NEBL: variants seen among roughly 807,000 people sequenced by gnomAD.
NEBL encodes the protein nebulette, also known as LIM and SH3 protein 2.
In NEBL, 122 loss-of-function variants were observed where a neutral mutation model predicts 140.2. That is an observed-to-expected ratio of 0.87 (90% CI 0.75 to 1.01). The LOEUF (loss-of-function observed/expected upper bound fraction) is 1.01, where lower values mean the gene tolerates loss of function less well. Ranked by LOEUF, NEBL falls within the 50% of genes least tolerant of loss-of-function variation. NEBL has a pLI of 0.00. For synonymous variants in NEBL, 436 were observed against 398.9 expected (o/e 1.09, Z -1.11); for missense variants, 1,365 against 1,231.3 (o/e 1.11, Z -1.62).
In NEBL at chr10:20,897,257, T is replaced by A; in HGVS notation, c.-52A>T. 6.5e-7 allele frequency: 1 copy of A among 1,530,784 alleles called. No homozygotes were observed. The highest frequency in any genetic ancestry group is 8.7e-7 in the Non-Finnish European group (1 of 1,143,846). 94.8% of individuals were successfully genotyped at this position (1,530,784 alleles called of 1,614,324 possible). On this transcript the variant is annotated 5_prime_UTR_variant, in exon 1 of 28. It introduces an in-frame stop codon into an upstream open reading frame of the 5' UTR. Transcript: ENST00000377122. Reference sequence around the variant, plus strand: ...TTAAAATTTACTCATGTGGCGTCCTTTTCCATACCACAGTGCCCTTGAGAT... The same window carrying A: ...TTAAAATTTACTCATGTGGCGTCCTATTCCATACCACAGTGCCCTTGAGAT...
chr10:21,049,100 CTT>C (rs147889547), intron 2 of NEBL, among the ~76,000 whole-genome samples: 7,382 of 152,278 alleles, frequency 0.048, 584 homozygotes, highest in African/African-American at 0.17. Context: ...GCCCTCAACT[CTT>C]TAAATGAGAC....
Position 20,946,836 on chromosome 10 carries a change from G to A in NEBL, c.357+14836C>T, listed in dbSNP as rs190969753. 4.7e-3 allele frequency among the ~76,000 whole-genome samples: 718 copies of A among 152,256 alleles called. 4 individuals are homozygous for A. Among genetic ancestry groups the A allele is most frequent in the African/African-American group, 0.017 (694 of 41,536 alleles). ...CAGGGATTCTAGATGTGGAAATCCTGGCAGCATTTAACAAAGGATAACATT... is the reference window on the plus strand; with the variant it reads ...CAGGGATTCTAGATGTGGAAATCCTAGCAGCATTTAACAAAGGATAACATT... On this transcript the variant is annotated intron_variant, in intron 4 of 6. Transcript: ENST00000417816.
chr10:21,229,816 G>A (rs1458115200), intron 3 of NEBL, among the ~76,000 whole-genome samples: 1 of 152,224 alleles, frequency 6.6e-6, no homozygotes, highest in East Asian at 1.9e-4. Flanking sequence ...GGGATAACAT[G>A]TGCCAGCACA....
chr10:21,032,113 TGAA>T (rs1589154955), intron 2 of NEBL, among the ~76,000 whole-genome samples: 5 of 152,234 alleles, frequency 3.3e-5, no homozygotes, highest in Admixed American at 2.0e-4. Context: ...ATTGTACAAA[TGAA>T]GAAATTCTCC....
chr10:21,208,363 CTA>C (rs1173796922), intron 3 of NEBL, among the ~76,000 whole-genome samples: 1 of 152,124 alleles, frequency 6.6e-6, no homozygotes, highest in East Asian at 1.9e-4. Context: ...GTTAAGGGAA[CTA>C]TAATCTTGTA....
intron 26 of NEBL, among the ~76,000 whole-genome samples, chr10:20,806,505 A>T (rs904654122): frequency 6.6e-6 from 1 of 152,146 alleles, no homozygotes; most frequent in Non-Finnish European, 1.5e-5. Flanking sequence ...TCTCTACTCA[A>T]ATATCCCCTC....
intron 2 of NEBL, among the ~76,000 whole-genome samples, chr10:21,027,568 G>A (rs1213464560): frequency 1.3e-5 from 2 of 151,940 alleles, no homozygotes; most frequent in African/African-American, 4.8e-5. Context: ...GGGCTCAAGT[G>A]GTCCAATCAA....
At chr10:21,200,200 G>C (rs1841710980) in intron 3 of NEBL, among the ~76,000 whole-genome samples, 1 of 151,990 alleles carries the variant, frequency 6.6e-6, no homozygotes, top group Non-Finnish European at 1.5e-5. Flanking sequence ...CTCAGACTCA[G>C]GGTCTCAGAG....
rs869244141 is a variant in NEBL, at chr10:21,182,155, CT to C, written n.349-9679del. ...ACCACGGACAGGATATGGCTGCTGG[CT>C]TTTTTTTTTTTTCCTTTTAAAAATT... On this transcript the variant is annotated intron_variant and non_coding_transcript_variant, in intron 3 of 8. Transcript: ENST00000675702. Among the ~76,000 whole-genome samples, 708 of 142,486 alleles carry C rather than the reference CT, an allele frequency of 5.0e-3. 1 individual carries two copies. The highest frequency in any genetic ancestry group is 9.2e-3 in the African/African-American group (361 of 39,170). The allele number at this position is 142,486 out of a possible 152,430, so 93.5% of individuals were successfully genotyped here. A position where few individuals can be genotyped will look rare whatever the true frequency, so the allele number is the denominator to read the frequency against.
intron 4 of NEBL, among the ~76,000 whole-genome samples, chr10:20,924,586 T>C (rs1204888872): frequency 6.6e-6 from 1 of 151,318 alleles, no homozygotes; most frequent in African/African-American, 2.4e-5. Flanking sequence ...TATAGGGCTC[T>C]GGTCATTTCT....
intron 14 of NEBL, among the ~76,000 whole-genome samples, chr10:20,831,921 T>A (rs1840457220): frequency 6.6e-6 from 1 of 152,186 alleles, no homozygotes. Flanking sequence ...AGAGTGATTG[T>A]AAAATTGCTG....
At chr10:20,936,037 G>A (rs763614873) in intron 4 of NEBL, among the ~76,000 whole-genome samples, 12 of 152,280 alleles carry the variant, frequency 7.9e-5, no homozygotes, top group Admixed American at 3.3e-4. Flanking sequence ...TAAATTTGAA[G>A]ACTGGAAATA....
intron 3 of NEBL, among the ~76,000 whole-genome samples, chr10:21,015,486 G>C (rs1838519125): frequency 6.6e-6 from 1 of 152,188 alleles, no homozygotes; most frequent in Non-Finnish European, 1.5e-5. Context: ...AAAATAATCA[G>C]TAAATTTATT....
intron 4 of NEBL, among the ~76,000 whole-genome samples, chr10:20,930,274 C>T (rs1416721314): frequency 3.3e-5 from 5 of 152,178 alleles, no homozygotes; most frequent in Non-Finnish European, 7.3e-5. Flanking sequence ...TCCCTACTCC[C>T]TCATTACAAA....
intron 7 of NEBL, among the ~76,000 whole-genome samples, chr10:20,860,074 C>G (rs1275052810): frequency 6.6e-6 from 1 of 152,086 alleles, no homozygotes; most frequent in African/African-American, 2.4e-5. Context: ...GAATTATGCA[C>G]TAAAATACCA....
intron 3 of NEBL, among the ~76,000 whole-genome samples, chr10:20,965,303 G>T (rs1336979395): frequency 2.6e-5 from 4 of 152,228 alleles, no homozygotes; most frequent in African/African-American, 9.6e-5. Context: ...AGCGCTAAGA[G>T]AGAAAAATAG....
At chr10:21,171,130 GT>G in intron 2 of NEBL, among the ~76,000 whole-genome samples, 1 of 152,224 alleles carries the variant, frequency 6.6e-6, no homozygotes, top group East Asian at 1.9e-4. Flanking sequence ...GAGGTCCAGA[GT>G]TCGAGGCCAG....
rs74943054 is a variant in NEBL at position 20,835,703 on chromosome 10, A to G, written c.1339-80T>C. ...TGCAGTCAATGATACTAAAAAAAAA[A>G]TAGTTAGACATATTTTACAAAAGAG... On this transcript the variant is annotated intron_variant, in intron 13 of 27. Coordinates refer to ENST00000377122, the MANE Select transcript of NEBL (RefSeq NM_006393.3). The G allele has an allele frequency of 7.3e-5, 69 of 949,908 alleles. No homozygotes were observed. The African/African-American group carries it at 1.0e-3, about 14-fold the overall frequency. The allele number at this position is 949,908 out of a possible 1,614,324, so 58.8% of individuals were successfully genotyped here.
At chr10:20,934,943 T>C (rs373635568) in intron 4 of NEBL, among the ~76,000 whole-genome samples, 212 of 152,300 alleles carry the variant, frequency 1.4e-3, no homozygotes, top group African/African-American at 4.6e-3. Flanking sequence ...AGAGTTGTGA[T>C]TGGAAATGAA....
Sources: allele counts gnomAD v4.1 joint callset (sites outside exome capture counted in the v4.1 genomes callset), GRCh38; gene constraint gnomAD v4.1.1; transcripts MANE v1.5; gene names NCBI Gene and HGNC (gene_info 2026-07-23, HGNC 2026-07-21).